The following TMF1 variants were observed in gnomAD, a reference collection of about 807,000 sequenced individuals.
TMF1 encodes the protein TATA element modulatory factor 1.
A neutral mutation model predicts 126.5 loss-of-function variants in TMF1; 71 were observed. That is an observed-to-expected ratio of 0.56 (90% CI 0.46 to 0.68). TMF1 has a LOEUF of 0.68. Ranked by LOEUF, TMF1 falls within the 30% of genes least tolerant of loss-of-function variation. TMF1 has a pLI of 0.00. For missense variants in TMF1, 1,259 were observed against 1,253.2 expected, an observed-to-expected ratio of 1.00 and a Z score of -0.07; for synonymous variants, 461 against 430.5, an observed-to-expected ratio of 1.07 and a Z score of -0.88.
In TMF1 at chr3:69,033,602, C is replaced by T; in HGVS notation, c.2347G>A (p.Gly783Arg). 6.2e-7 allele frequency: 1 copy of T among 1,613,962 alleles called. No individual in the cohort carries two copies. Among genetic ancestry groups the T allele is most frequent in the Non-Finnish European group, 8.5e-7 (1 of 1,180,004 alleles). ...TTCTCCCACGACGATGTCTGGGATC[C>T]CAGGGTTGCTTGCAAATTTTCTATT... is the stretch of plus-strand genomic sequence containing the variant. ...RQIENLQATL[G>R]SQTSSWEKLE... The change falls in exon 10 of 17, where the codon GGA becomes AGA. Residue 783 changes from glycine (G) to arginine (R), a missense_variant. By Grantham distance (125) the Gly-to-Arg change is moderately radical. Coordinates refer to ENST00000398559, the MANE Select transcript of TMF1 (RefSeq NM_007114.3).
intron 2 of TMF1, 61 bp from the exon 3 acceptor site, chr3:69,044,656 TGCAG>T: frequency 9.7e-7 from 1 of 1,029,778 alleles, no homozygotes. Context: ...CATTTTTACA[TGCAG>T]GTGTATCACT....
Position 69,020,771 on chromosome 3 carries a change from T to C in TMF1, c.*2406A>G, listed in dbSNP as rs756321147. The C allele has an allele frequency of 6.6e-6, 1 of 152,098 alleles. No homozygotes were observed. Among genetic ancestry groups the C allele is most frequent in the Non-Finnish European group, 1.5e-5 (1 of 67,986 alleles). The allele number at this position is 152,098 out of a possible 1,614,324, so 9.4% of individuals were successfully genotyped here. ...CAGCTATTTATTTGTAGATAAAGAGTAATATATGGTAATATGTAACTAGAA... is the reference window on the plus strand; with the variant it reads ...CAGCTATTTATTTGTAGATAAAGAGCAATATATGGTAATATGTAACTAGAA... On this transcript the variant is annotated 3_prime_UTR_variant, in exon 17 of 17. Transcript: ENST00000398559.
At chr3:69,025,791 TTC>T (rs2091764270) in intron 14 of TMF1, 79 bp from the exon 15 acceptor site, 4 of 1,474,838 alleles carry the variant, frequency 2.7e-6, no homozygotes, top group African/African-American at 2.8e-5. Context: ...ACAAAAATGG[TTC>T]TGTCAATTTT....
rs1036640082 is a variant in TMF1 at position 69,020,621 on chromosome 3, G to A, written c.*2556C>T. The A allele has an allele frequency of 6.6e-6, 1 of 152,102 alleles. No individual in the cohort carries two copies. Among genetic ancestry groups the A allele is most frequent in the East Asian group, 1.9e-4 (1 of 5,194 alleles). The allele number at this position is 152,102 out of a possible 1,614,324, so 9.4% of individuals were successfully genotyped here. On this transcript the variant is annotated 3_prime_UTR_variant, in exon 17 of 17. Transcript: ENST00000398559. The stretch of plus-strand genomic sequence containing the variant: ...ATGACAAACAGCAAAGTATAGCAAC[G>A]AATATTCAATAGGTATTCTGCCACC...
At chr3:69,035,395 C>T (rs557585923) in intron 8 of TMF1, 33 of 366,276 alleles carry the variant, frequency 9.0e-5, no homozygotes, top group Non-Finnish European at 1.7e-4. Flanking sequence ...GGAGAAAAGA[C>T]AGTGCGTCTA....
In TMF1 at chr3:69,048,477, G is replaced by A. The variant is rs1341119222; in HGVS notation, c.228C>T (p.Ala76=). The A allele has an allele frequency of 1.2e-6, 2 of 1,614,008 alleles. No individual in the cohort carries two copies. Among genetic ancestry groups the A allele is most frequent in the South Asian group, 1.1e-5 (1 of 91,090 alleles). ...SNTEPQSPPI[A]SPKAITKPVR... ...CTGGCTTTGTGATTGCTTTAGGAGA[G>A]GCTATTGGTGGACTCTGAGGTTCAG... The change falls in exon 2 of 17, where the codon GCC becomes GCT. Residue 76 remains alanine, a synonymous_variant. Coordinates refer to ENST00000398559, the MANE Select transcript of TMF1 (RefSeq NM_007114.3).
intron 12 of TMF1, 30 bp from the exon 13 acceptor site, chr3:69,028,022 T>A: frequency 7.5e-7 from 1 of 1,328,516 alleles, no homozygotes; most frequent in Non-Finnish European, 1.1e-6. Context: ...TTAGACAATT[T>A]CTGTGATAGT....
Position 69,047,672 on chromosome 3 carries a change from C to G in TMF1, c.1033G>C (p.Asp345His), listed in dbSNP as rs2091903117. Reference protein sequence around the residue: ...DSRSVSEINSDDELSGKGYAL... With the variant: ...DSRSVSEINSHDELSGKGYAL... ...TATCCCTTGCCTGACAATTCATCAT[C>G]TGAATTGATTTCACTTACACTCCGG... Residue 345 changes from aspartate to histidine, a missense_variant, in exon 2 of 17, where the codon GAT becomes CAT. Physicochemically the swap from Asp to His is moderately conservative, Grantham distance 81 (BLOSUM62 -1). Transcript: ENST00000398559. 2 of 1,613,696 alleles carry G rather than the reference C, an allele frequency of 1.2e-6. No individual in the cohort carries two copies. The highest frequency in any genetic ancestry group is 1.7e-5 in the Admixed American group (1 of 60,008).
chr3:69,052,083 T>A lies in TMF1; in HGVS notation c.4A>T (p.Ser2Cys), dbSNP rs777277643. M[S>C]WFNASQLSSF... ...GAGAGCTGGGAGGCGTTGAACCAACTCATCGCCCCTCCTCAGCCGGCAGTG... is the reference window on the plus strand; with the variant it reads ...GAGAGCTGGGAGGCGTTGAACCAACACATCGCCCCTCCTCAGCCGGCAGTG... The change falls in exon 1 of 17, where the codon AGT (serine) becomes TGT (cysteine). Residue 2 changes from serine (S) to cysteine (C), a missense_variant. Physicochemically the swap from Ser to Cys is moderately radical, Grantham distance 112. Coordinates refer to ENST00000398559, the MANE Select transcript of TMF1 (RefSeq NM_007114.3). The A allele has an allele frequency of 1.2e-6, 2 of 1,609,382 alleles. No homozygotes were observed. Among genetic ancestry groups the A allele is most frequent in the Non-Finnish European group, 1.7e-6 (2 of 1,178,448 alleles).
In TMF1 at chr3:69,029,841, C is replaced by G. The variant is rs768537473; in HGVS notation, c.2568G>C (p.Leu856=). 1.2e-6 allele frequency: 2 copies of G among 1,612,740 alleles called. No individual in the cohort carries two copies. Among genetic ancestry groups the G allele is most frequent in the Non-Finnish European group, 1.7e-6 (2 of 1,179,434 alleles). Residue 856 remains leucine (L), a synonymous_variant, in exon 11 of 17, where the codon CTG becomes CTC. Coordinates refer to ENST00000398559, the MANE Select transcript of TMF1 (RefSeq NM_007114.3). ...TATTGTTCTCATCCTCCAGTTTACA[C>G]AGCCTATTTTTCTCTGATTCTAGCT... The part of the protein sequence containing the change: ...QAQLESEKNR[L]CKLEDENNRY...
chr3:69,033,735 A>G (rs761196054), intron 9 of TMF1, 31 bp from the exon 10 acceptor site: 1 of 1,561,440 alleles, frequency 6.4e-7, no homozygotes, highest in Non-Finnish European at 8.6e-7. Context: ...GTCATTACCA[A>G]TGACAGCAAT....
chr3:69,042,773 G>GT (rs1365601026), intron 5 of TMF1, 34 bp downstream of exon 5: 4 of 1,535,436 alleles, frequency 2.6e-6, no homozygotes, highest in Non-Finnish European at 3.6e-6. Context: ...TGTTCTTACA[G>GT]TATTTTTCAT....
At chr3:69,034,079 T>C (rs910244822) in intron 9 of TMF1, 185 of 168,208 alleles carry the variant, frequency 1.1e-3, no homozygotes, top group African/African-American at 4.1e-3. Context: ...TCCCAAAGCA[T>C]TGGGATTATA....
rs770232399 is a variant in TMF1 at position 69,047,784 on chromosome 3, T to G, written c.921A>C (p.Leu307Phe). 2 of 1,614,000 alleles carry G rather than the reference T, an allele frequency of 1.2e-6. No individual in the cohort carries two copies. The highest frequency in any genetic ancestry group is 1.7e-6 in the Non-Finnish European group (2 of 1,180,034). The part of the protein sequence containing the change: ...SASACPEYNR[L>F]DDFQKLTESC... ...TCTCAGTGAGTTTTTGGAAATCATC[T>G]AAACGATTATATTCAGGACAAGCAG... Residue 307 changes from leucine (L) to phenylalanine (F), a missense_variant, in exon 2 of 17, where the codon TTA (leucine) becomes TTC (phenylalanine). Physicochemically the swap from Leu to Phe is conservative, Grantham distance 22. Transcript: ENST00000398559.
chr3:69,045,049 G>C, intron 2 of TMF1, among the ~76,000 whole-genome samples: 1 of 152,270 alleles, frequency 6.6e-6, no homozygotes, highest in Non-Finnish European at 1.5e-5. Flanking sequence ...AGGTCAAAGA[G>C]GAAATTTAAA....
At chr3:69,025,972 C>T (rs2091764981) in intron 14 of TMF1, 24 bp downstream of exon 14, 1 of 1,542,014 alleles carries the variant, frequency 6.5e-7, no homozygotes, top group Non-Finnish European at 8.9e-7. Context: ...AAGAACTAAG[C>T]ACATATAAAA....
intron 5 of TMF1, 121 bp downstream of exon 5, chr3:69,042,686 G>T: frequency 1.3e-6 from 1 of 796,148 alleles, no homozygotes; most frequent in South Asian, 1.4e-5. Flanking sequence ...TATTTCTATG[G>T]TTTACGTCCA....
intron 15 of TMF1, chr3:69,025,280 G>T (rs1391602185): frequency 3.3e-6 from 1 of 304,928 alleles, no homozygotes; most frequent in Non-Finnish European, 6.0e-6. Context: ...ATGTAGGCAG[G>T]TTGTAAAACA....
At chr3:69,032,602 G>T (rs2091808893) in intron 10 of TMF1, among the ~76,000 whole-genome samples, 1 of 136,210 alleles carries the variant, frequency 7.3e-6, no homozygotes, top group Non-Finnish European at 1.5e-5. Context: ...TAAAGAAGCA[G>T]AATATGGAAT....
Sources: gnomAD v4.1 joint callset for allele counts (sites outside exome capture counted in the v4.1 genomes callset) on GRCh38, gnomAD v4.1.1 for gene constraint, MANE v1.5 for transcripts, NCBI Gene and HGNC (gene_info 2026-07-23, HGNC 2026-07-21) for gene names.